MYO18B: variants seen among roughly 807,000 people sequenced by gnomAD.
MYO18B encodes myosin XVIIIB.
A neutral mutation model predicts 273.0 loss-of-function variants in MYO18B; 204 were observed. That is an observed-to-expected ratio of 0.75 (90% CI 0.67 to 0.84). MYO18B has a LOEUF of 0.84. Among genes scored for constraint, MYO18B ranks in the 40% least tolerant of loss-of-function variants. MYO18B has a pLI of 0.00. For missense variants in MYO18B, 3,212 were observed against 3,287.6 expected, an observed-to-expected ratio of 0.98 and a Z score of 0.56; for synonymous variants, 1,330 against 1,305.7, an observed-to-expected ratio of 1.02 and a Z score of -0.40.
chr22:25,956,631 C>T lies in MYO18B; in HGVS notation c.6156+1267C>T, dbSNP rs1007933520. On this transcript the variant is annotated intron_variant, in intron 39 of 43. Coordinates refer to ENST00000335473, the MANE Select transcript of MYO18B (RefSeq NM_032608.7). ...ACAGAGCATCTAAGAGTGACTGTTC[C>T]ACTTTTTCTCCACGGGGCCAGATAT... 1.3e-4 allele frequency among the ~76,000 whole-genome samples: 20 copies of T among 152,112 alleles called. 1 individual carries two copies. Among genetic ancestry groups the T allele is most frequent in the Admixed American group, 1.2e-3 (18 of 15,264 alleles).
intron 7 of MYO18B, among the ~76,000 whole-genome samples, chr22:25,772,878 G>A (rs2145611894): frequency 1.3e-5 from 2 of 152,314 alleles, no homozygotes; most frequent in Middle Eastern, 6.8e-3. Context: ...CCATTTTACA[G>A]ATGAGAAGAG....
chr22:25,860,827 A>G (rs1479340901), intron 21 of MYO18B, among the ~76,000 whole-genome samples: 2 of 152,048 alleles, frequency 1.3e-5, no homozygotes, highest in Non-Finnish European at 2.9e-5. Context: ...TGAGTAGTCT[A>G]TAGATGTTAG....
At chr22:26,063,269 T>A in the MYO18B span, among the ~76,000 whole-genome samples, 1 of 152,308 alleles carries the variant, frequency 6.6e-6, no homozygotes, top group African/African-American at 2.4e-5. Context: ...ATGGCAGAAG[T>A]GCCAAGAATA....
chr22:25,802,948 C>T (rs2088283504), intron 12 of MYO18B, among the ~76,000 whole-genome samples: 1 of 149,556 alleles, frequency 6.7e-6, no homozygotes, highest in African/African-American at 2.5e-5. Context: ...TTATGACTGG[C>T]TGCTTTCTTT....
chr22:25,964,482 T>C (rs990772364), intron 39 of MYO18B, among the ~76,000 whole-genome samples: 1 of 152,196 alleles, frequency 6.6e-6, no homozygotes, highest in Non-Finnish European at 1.5e-5. Flanking sequence ...AAATTAATAA[T>C]ATATGTTAAT....
intron 33 of MYO18B, among the ~76,000 whole-genome samples, chr22:25,915,889 C>T (rs2092253895): frequency 6.6e-6 from 1 of 152,110 alleles, no homozygotes; most frequent in South Asian, 2.1e-4. Context: ...AAGTGTTGTA[C>T]TAATCTCATA....
intron 2 of MYO18B, 45 bp downstream of exon 2, chr22:25,761,176 G>C: frequency 6.2e-7 from 1 of 1,608,308 alleles, no homozygotes; most frequent in Non-Finnish European, 8.5e-7. Flanking sequence ...TGCAGGGACT[G>C]ACTCGACCCT....
At chr22:26,004,147 T>C (rs1279822284) in intron 41 of MYO18B, among the ~76,000 whole-genome samples, 1 of 151,802 alleles carries the variant, frequency 6.6e-6, no homozygotes, top group African/African-American at 2.4e-5. Context: ...CACACATACA[T>C]ATACACACAC....
Position 25,770,974 on chromosome 22 carries a change from ATGTCCATCGGGTGAGTCCCC to A in MYO18B, c.1688_1692+15del. On this transcript the variant is annotated splice_donor_variant and splice_donor_5th_base_variant and coding_sequence_variant and intron_variant, in exon 6 of 44. Transcript: ENST00000335473. LOFTEE classifies it high-confidence loss of function. Reference sequence around the variant, plus strand: ...ACCATCACTGAGGTGGATGAGGAGCATGTCCATCGGGTGAGTCCCCTGTCCCGCCGTCCCCCAGCATGAGT... The same window carrying A: ...ACCATCACTGAGGTGGATGAGGAGCATGTCCCGCCGTCCCCCAGCATGAGT... 1 of 1,552,046 alleles carries A rather than the reference ATGTCCATCGGGTGAGTCCCC, an allele frequency of 6.4e-7. No homozygotes were observed. The highest frequency in any genetic ancestry group is 1.2e-5 in the South Asian group (1 of 84,056).
chr22:25,966,084 A>G (rs1476009904), intron 39 of MYO18B, among the ~76,000 whole-genome samples: 7 of 152,204 alleles, frequency 4.6e-5, no homozygotes, highest in Non-Finnish European at 4.4e-5. Flanking sequence ...GACTAAAACA[A>G]GTAATTCATG....
intron 4 of MYO18B, 71 bp from the exon 5 acceptor site, chr22:25,770,039 A>G: frequency 6.8e-7 from 1 of 1,477,630 alleles, no homozygotes; most frequent in Non-Finnish European, 9.5e-7. Flanking sequence ...ACTGTGAGAA[A>G]CCCCCGTGTA....
chr22:26,017,962 G>GTTTTTT lies in MYO18B; in HGVS notation c.6471-8479_6471-8478insTTTTTT, dbSNP rs1339313323. 6.0e-5 allele frequency among the ~76,000 whole-genome samples: 7 copies of GTTTTTT among 117,566 alleles called. 2 individuals carry two copies. Among genetic ancestry groups the GTTTTTT allele is most frequent in the Admixed American group, 8.8e-5 (1 of 11,312 alleles). The allele number at this position is 117,566 out of a possible 152,430, so 77.1% of individuals were successfully genotyped here. A position where few individuals can be genotyped will look rare whatever the true frequency, so the allele number is the denominator to read the frequency against. On this transcript the variant is annotated intron_variant, in intron 42 of 43. Transcript: ENST00000335473. ...ATCACCACCCAGCTCCAATTTTACT[G>GTTTTTT]TTTTGTTTTTTTTTTTTTTTTTTTT... is the stretch of plus-strand genomic sequence containing the variant.
chr22:25,783,940 G>A (rs1601683166), intron 10 of MYO18B, among the ~76,000 whole-genome samples: 2 of 152,152 alleles, frequency 1.3e-5, no homozygotes, highest in African/African-American at 4.8e-5. Flanking sequence ...TGCCAACTTG[G>A]TCCGTCACCC....
intron 34 of MYO18B, among the ~76,000 whole-genome samples, chr22:25,941,414 C>T (rs1210793249): frequency 6.6e-6 from 1 of 152,200 alleles, no homozygotes; most frequent in African/African-American, 2.4e-5. Flanking sequence ...AACCCAACCA[C>T]CTTTACTACC....
chr22:25,785,870 G>A lies in MYO18B; in HGVS notation c.2376+379G>A, dbSNP rs180795503. Among the ~76,000 whole-genome samples the A allele has an allele frequency of 2.0e-5, 3 of 152,216 alleles. No individual in the cohort carries two copies. The East Asian group carries it at 5.8e-4, about 29-fold the overall frequency. ...TCTGCCTCATAGGGTTGTTGTGAGGGTGAAATGACATGATGTGTATAACGT... is the reference window on the plus strand; with the variant it reads ...TCTGCCTCATAGGGTTGTTGTGAGGATGAAATGACATGATGTGTATAACGT... On this transcript the variant is annotated intron_variant, in intron 11 of 43. Transcript: ENST00000335473.
At chr22:25,845,006 G>A (rs1386910342) in intron 18 of MYO18B, among the ~76,000 whole-genome samples, 1 of 152,192 alleles carries the variant, frequency 6.6e-6, no homozygotes, top group East Asian at 1.9e-4. Context: ...TTGGGGACAG[G>A]AAGATGTTCA....
chr22:25,826,734 G>A (rs73403705), intron 14 of MYO18B, among the ~76,000 whole-genome samples: 122 of 152,266 alleles, frequency 8.0e-4, no homozygotes, highest in African/African-American at 2.9e-3. Context: ...CCCAAGGACT[G>A]TTGTGAGGAT....
downstream of MYO18B, among the ~76,000 whole-genome samples, chr22:26,033,121 C>T (rs1191064078): frequency 1.3e-5 from 2 of 152,172 alleles, no homozygotes; most frequent in African/African-American, 4.8e-5. Flanking sequence ...AGGGAACAGA[C>T]TCACATTGCC....
At chr22:25,971,823 G>A (rs558860764) in intron 39 of MYO18B, among the ~76,000 whole-genome samples, 3 of 152,302 alleles carry the variant, frequency 2.0e-5, no homozygotes, top group Admixed American at 6.5e-5. Context: ...AGACATGGCT[G>A]CATGTCAAAT....
Sources: allele counts gnomAD v4.1 joint callset (sites outside exome capture counted in the v4.1 genomes callset), GRCh38; gene constraint gnomAD v4.1.1; transcripts MANE v1.5; gene names NCBI Gene and HGNC (gene_info 2026-07-23, HGNC 2026-07-21).